Variants in ERG observed in about 807,000 individuals in gnomAD.
ERG encodes the protein transcriptional regulator ERG.
A neutral mutation model predicts 55.3 loss-of-function variants in ERG; 9 were observed. That is an observed-to-expected ratio of 0.16 (90% CI 0.10 to 0.28). The LOEUF is 0.28. Ranked by LOEUF, ERG falls within the 10% of genes least tolerant of loss-of-function variation. The pLI is 1.00. For synonymous variants in ERG, 223 were observed against 237.3 expected, an observed-to-expected ratio of 0.94 and a Z score of 0.55; for missense variants, 434 against 631.6, an observed-to-expected ratio of 0.69 and a Z score of 3.35.
intron 3 of ERG, among the ~76,000 whole-genome samples, chr21:38,420,972 G>A (rs1326131100): frequency 6.6e-6 from 1 of 152,116 alleles, no homozygotes; most frequent in African/African-American, 2.4e-5. Context: ...GGCTTCCTTT[G>A]GGTGTCTACT....
chr21:38,477,234 G>A (rs904285249), intron 1 of ERG, among the ~76,000 whole-genome samples: 7 of 151,970 alleles, frequency 4.6e-5, no homozygotes, highest in South Asian at 2.1e-4. Context: ...GGTTGGTCTC[G>A]CTCAAGCGAT....
At chr21:38,513,200 C>T (rs1266388319) in intron 2 of ERG, among the ~76,000 whole-genome samples, 1 of 151,540 alleles carries the variant, frequency 6.6e-6, no homozygotes, top group African/African-American at 2.4e-5. Flanking sequence ...AATATAGCTA[C>T]AAAGAGGTTG....
At chr21:38,550,871 G>A (rs1039220781) in intron 2 of ERG, among the ~76,000 whole-genome samples, 25 of 152,150 alleles carry the variant, frequency 1.6e-4, no homozygotes, top group African/African-American at 6.0e-4. Context: ...AATCAGCAAG[G>A]GTAGCAGTCA....
chr21:38,554,194 G>A (rs2059843598), intron 2 of ERG, among the ~76,000 whole-genome samples: 1 of 152,162 alleles, frequency 6.6e-6, no homozygotes, highest in African/African-American at 2.4e-5. Flanking sequence ...ATGTTGGTGA[G>A]GCTGCAGAGA....
intron 2 of ERG, among the ~76,000 whole-genome samples, chr21:38,550,765 CTA>C (rs2059819136): frequency 6.6e-6 from 1 of 152,160 alleles, no homozygotes; most frequent in African/African-American, 2.4e-5. Flanking sequence ...AAAACAGAGA[CTA>C]TAACTACAAC....
intron 1 of ERG, among the ~76,000 whole-genome samples, chr21:38,496,647 T>C (rs557731499): frequency 6.6e-6 from 1 of 152,348 alleles, no homozygotes; most frequent in South Asian, 2.1e-4. Flanking sequence ...AAATCAAGCA[T>C]AGTACCTTAG....
chr21:38,631,854 G>A (rs770816382), intron 1 of ERG, among the ~76,000 whole-genome samples: 22 of 151,958 alleles, frequency 1.4e-4, no homozygotes, highest in South Asian at 4.2e-4. Context: ...CCTGCAAACC[G>A]AATCCCACAG....
At chr21:38,530,010 A>G (rs1011052010) in intron 2 of ERG, among the ~76,000 whole-genome samples, 1 of 152,080 alleles carries the variant, frequency 6.6e-6, no homozygotes, top group African/African-American at 2.4e-5. Context: ...ACAATTGAGG[A>G]AACTGGGGAC....
chr21:38,595,873 T>G (rs1176694166), intron 1 of ERG, among the ~76,000 whole-genome samples: 1 of 152,114 alleles, frequency 6.6e-6, no homozygotes, highest in Non-Finnish European at 1.5e-5. Flanking sequence ...TGAAATGTCA[T>G]TGAGTTTTCA....
intron 1 of ERG, among the ~76,000 whole-genome samples, chr21:38,649,099 G>A (rs575008895): frequency 1.6e-4 from 25 of 152,246 alleles, no homozygotes; most frequent in Admixed American, 1.1e-3. Flanking sequence ...AAATAAACTC[G>A]ATGGTTCTCA....
At chr21:38,515,350 A>G (rs1466607184) in intron 2 of ERG, among the ~76,000 whole-genome samples, 1 of 152,020 alleles carries the variant, frequency 6.6e-6, no homozygotes, top group Non-Finnish European at 1.5e-5. Flanking sequence ...TTCTGAACAC[A>G]TACAACCTGC....
chr21:38,562,985 G>A (rs1254101353), intron 2 of ERG, among the ~76,000 whole-genome samples: 1 of 152,204 alleles, frequency 6.6e-6, no homozygotes, highest in Non-Finnish European at 1.5e-5. Context: ...CGAGGAGGAA[G>A]CTTAAATGCA....
chr21:38,622,900 A>G (rs1465398963), intron 1 of ERG, among the ~76,000 whole-genome samples: 2 of 147,074 alleles, frequency 1.4e-5, no homozygotes, highest in Admixed American at 6.8e-5. Context: ...CACACACACC[A>G]TACATACACC....
intron 2 of ERG, among the ~76,000 whole-genome samples, chr21:38,528,892 A>AT (rs1260112522): frequency 6.6e-6 from 1 of 152,186 alleles, no homozygotes; most frequent in Non-Finnish European, 1.5e-5. Flanking sequence ...TGGTCTATTA[A>AT]TTTTTTAAAA....
In ERG at chr21:38,381,584, T is replaced by C. The variant is rs529447439; in HGVS notation, c.*1819A>G. 3.8e-5 allele frequency: 40 copies of C among 1,063,174 alleles called. No homozygotes were observed. The highest frequency in any genetic ancestry group is 5.1e-5 in the East Asian group (1 of 19,762). The allele number at this position is 1,063,174 out of a possible 1,614,324, so 65.9% of individuals were successfully genotyped here. The stretch of plus-strand genomic sequence containing the variant: ...TCCCTTGTTTCTGTAAAGTGAGAAA[T>C]TGCAGCTATCCATGACGCTTTATTT... On this transcript the variant is annotated 3_prime_UTR_variant, in exon 10 of 10. Coordinates refer to ENST00000288319, the MANE Select transcript of ERG (RefSeq NM_182918.4).
intron 2 of ERG, among the ~76,000 whole-genome samples, chr21:38,437,966 G>A (rs900332992): frequency 2.6e-5 from 4 of 151,746 alleles, no homozygotes; most frequent in Admixed American, 2.6e-4. Context: ...TCACCAGAAA[G>A]TGAAAGTCAA....
chr21:38,646,808 T>C (rs1186880476), intron 1 of ERG, among the ~76,000 whole-genome samples: 1 of 152,156 alleles, frequency 6.6e-6, no homozygotes, highest in Non-Finnish European at 1.5e-5. Flanking sequence ...GTTTGTTTTA[T>C]TACATTTCCA....
chr21:38,440,961 C>T (rs1032405895), intron 2 of ERG, among the ~76,000 whole-genome samples: 3 of 152,070 alleles, frequency 2.0e-5, no homozygotes, highest in Admixed American at 6.5e-5. Flanking sequence ...TTCAGGAAGC[C>T]CGTTGGATTG....
chr21:38,490,484 G>T (rs1480546469), intron 1 of ERG, among the ~76,000 whole-genome samples: 1 of 152,174 alleles, frequency 6.6e-6, no homozygotes, highest in Non-Finnish European at 1.5e-5. Context: ...CTCCTGTGAG[G>T]CTGTGGCTTG....
Sources: gnomAD v4.1 joint callset for allele counts (sites outside exome capture counted in the v4.1 genomes callset) on GRCh38, gnomAD v4.1.1 for gene constraint, MANE v1.5 for transcripts, NCBI Gene and HGNC (gene_info 2026-07-23, HGNC 2026-07-21) for gene names.